Variants in ECT2L observed in about 807,000 individuals in gnomAD.
ECT2L encodes the protein epithelial cell transforming 2 like.
In ECT2L, 126 loss-of-function variants were observed where a neutral mutation model predicts 122.8. The observed-to-expected ratio is 1.03, with a 90% CI of 0.89 to 1.19. ECT2L has a LOEUF of 1.19. Ranked by LOEUF, ECT2L falls within the 50% of genes most tolerant of loss-of-function variation. The pLI, the probability that ECT2L is intolerant of heterozygous loss-of-function variation, is 0.00. For synonymous variants in ECT2L, 385 were observed against 381.8 expected, an observed-to-expected ratio of 1.01 and a Z score of -0.10; for missense variants, 1,012 against 1,064.1, an observed-to-expected ratio of 0.95 and a Z score of 0.68.
chr6:138,850,237 G>C (rs979726808), intron 9 of ECT2L, among the ~76,000 whole-genome samples: 3 of 151,778 alleles, frequency 2.0e-5, no homozygotes, highest in Non-Finnish European at 1.5e-5. Context: ...CTCTGCCTCC[G>C]GGGTTCAAGC....
At chr6:138,873,870 GAC>G (rs1778342677) in intron 13 of ECT2L, among the ~76,000 whole-genome samples, 1 of 140,562 alleles carries the variant, frequency 7.1e-6, no homozygotes, top group African/African-American at 2.6e-5. Flanking sequence ...TCAAATCCAG[GAC>G]TGTGTGTGTG....
chr6:138,892,639 A>G (rs1779068924), intron 20 of ECT2L, among the ~76,000 whole-genome samples: 1 of 152,050 alleles, frequency 6.6e-6, no homozygotes, highest in African/African-American at 2.4e-5. Flanking sequence ...GATTACAGGC[A>G]CGTGCCACCA....
chr6:138,901,896 C>T lies in ECT2L; in HGVS notation c.2588-604C>T, dbSNP rs573820842. On this transcript the variant is annotated intron_variant, in intron 21 of 21. Coordinates refer to ENST00000541398, the MANE Select transcript of ECT2L (RefSeq NM_001077706.3). ...AAATAAAAGGGCTATTTCCCAGTGGCTTTAGCCCCATTCTAAATCTGAGCC... is the reference window on the plus strand; with the variant it reads ...AAATAAAAGGGCTATTTCCCAGTGGTTTTAGCCCCATTCTAAATCTGAGCC... Among the ~76,000 whole-genome samples the T allele has an allele frequency of 9.2e-5, 14 of 152,352 alleles. No individual in the cohort carries two copies. The East Asian group carries it at 2.7e-3, about 29-fold the overall frequency.
chr6:138,864,002 T>TAAAAAAAAAAAAAAAAAAAAAAAAAAA lies in ECT2L; in HGVS notation c.1292-993_1292-967dup, dbSNP rs1172466449. Among the ~76,000 whole-genome samples the TAAAAAAAAAAAAAAAAAAAAAAAAAAA allele has an allele frequency of 3.6e-5, 2 of 55,846 alleles. 1 individual carries two copies. The highest frequency in any genetic ancestry group is 1.6e-4 in the African/African-American group (2 of 12,760). The allele number at this position is 55,846 out of a possible 152,430, so 36.6% of individuals were successfully genotyped here. On this transcript the variant is annotated intron_variant, in intron 11 of 21. Coordinates refer to ENST00000541398, the MANE Select transcript of ECT2L (RefSeq NM_001077706.3). ...CTCTCTTGTTCTCATTCTCCGTATT[T>TAAAAAAAAAAAAAAAAAAAAAAAAAAA]AAAAAAAAAAAAAAAAAAAAAAAAA...
rs570701144 is a variant in ECT2L, at chr6:138,840,682, T to C, written c.342+2168T>C. On this transcript the variant is annotated intron_variant, in intron 5 of 21. Transcript: ENST00000541398. ...TCCTTTAAAGGTAACATTTCTATCA[T>C]CTCTAGCTGCTTTTTGGACTTTTTT... Among the ~76,000 whole-genome samples, 13 of 152,240 alleles carry C rather than the reference T, an allele frequency of 8.5e-5. No individual in the cohort carries two copies. The South Asian group carries it at 2.7e-3, about 32-fold the overall frequency.
chr6:138,846,798 C>A, intron 8 of ECT2L, 121 bp downstream of exon 8: 2 of 1,177,914 alleles, frequency 1.7e-6, no homozygotes, highest in East Asian at 2.7e-5. Flanking sequence ...AATGATTCAA[C>A]TTCTAAAAGG....
At chr6:138,885,445 T>G in intron 16 of ECT2L, 61 bp from the exon 17 acceptor site, 7 of 1,537,438 alleles carry the variant, frequency 4.6e-6, no homozygotes, top group Non-Finnish European at 6.3e-6. Context: ...GCTTGCTCAG[T>G]GGAACAGTGG....
At chr6:138,806,963 G>A (rs1375122426) in intron 1 of ECT2L, among the ~76,000 whole-genome samples, 1 of 148,140 alleles carries the variant, frequency 6.8e-6, no homozygotes, top group Non-Finnish European at 1.5e-5. Flanking sequence ...AGAAAAAAAT[G>A]TTATTAAGAA....
At chr6:138,802,545 A>G (rs561913737) in intron 1 of ECT2L, among the ~76,000 whole-genome samples, 1 of 152,370 alleles carries the variant, frequency 6.6e-6, no homozygotes, top group African/African-American at 2.4e-5. Context: ...CATTAAGCAT[A>G]TTAAAACATC....
intron 9 of ECT2L, among the ~76,000 whole-genome samples, chr6:138,851,133 A>T (rs562549550): frequency 6.6e-6 from 1 of 151,872 alleles, no homozygotes; most frequent in African/African-American, 2.4e-5. Flanking sequence ...ATCTCTACAC[A>T]TCCCACATCC....
chr6:138,829,284 TG>T (rs1776569776), intron 4 of ECT2L, among the ~76,000 whole-genome samples: 1 of 152,224 alleles, frequency 6.6e-6, no homozygotes, highest in Admixed American at 6.5e-5. Flanking sequence ...GGGAAATATT[TG>T]GTATTAGGTA....
At chr6:138,816,573 C>A (rs752784748) in intron 4 of ECT2L, among the ~76,000 whole-genome samples, 1 of 152,026 alleles carries the variant, frequency 6.6e-6, no homozygotes, top group Non-Finnish European at 1.5e-5. Context: ...CAAGCTCTGC[C>A]CCCGGGGTTC....
intron 18 of ECT2L, among the ~76,000 whole-genome samples, chr6:138,886,100 TG>T (rs1371031729): frequency 2.0e-5 from 3 of 150,640 alleles, no homozygotes; most frequent in Non-Finnish European, 4.4e-5. Context: ...GTATTTGGAC[TG>T]ATTTTTTACA....
intron 4 of ECT2L, among the ~76,000 whole-genome samples, chr6:138,817,774 G>A (rs952148347): frequency 6.6e-6 from 1 of 152,066 alleles, no homozygotes; most frequent in Non-Finnish European, 1.5e-5. Context: ...CATCCCTCTG[G>A]CAAACTAAAA....
chr6:138,805,471 A>C (rs953611329), intron 1 of ECT2L, among the ~76,000 whole-genome samples: 3 of 152,188 alleles, frequency 2.0e-5, no homozygotes, highest in African/African-American at 7.2e-5. Context: ...AAACCATTCC[A>C]AAGTTTAGTA....
intron 13 of ECT2L, among the ~76,000 whole-genome samples, chr6:138,874,903 T>C (rs766024623): frequency 2.0e-5 from 3 of 151,882 alleles, no homozygotes; most frequent in African/African-American, 2.4e-5. Flanking sequence ...CTGGGCAACA[T>C]AGTGAGACCT....
At chr6:138,816,620 G>A (rs749552562) in intron 4 of ECT2L, among the ~76,000 whole-genome samples, 3 of 152,004 alleles carry the variant, frequency 2.0e-5, no homozygotes, top group Admixed American at 6.6e-5. Context: ...GAGTAGCTGG[G>A]ACTACAGGCG....
chr6:138,829,021 AAT>A (rs150104237), intron 4 of ECT2L, among the ~76,000 whole-genome samples: 17,208 of 139,808 alleles, frequency 0.12, 1,215 homozygotes, highest in East Asian at 0.28. Flanking sequence ...CTAAGTTTAA[AAT>A]TTTTTTTTTT....
chr6:138,873,894 G>GTGTGTGTGTGTA (rs1554276999), intron 13 of ECT2L, among the ~76,000 whole-genome samples: 41,561 of 145,620 alleles, frequency 0.29, 6,641 homozygotes, highest in Admixed American at 0.36. Flanking sequence ...GTGTGTGTGT[G>GTGTGTGTGTGTA]TGTGTGTGTG....
Sources: gnomAD v4.1 joint callset for allele counts (sites outside exome capture counted in the v4.1 genomes callset) on GRCh38, gnomAD v4.1.1 for gene constraint, MANE v1.5 for transcripts, NCBI Gene and HGNC (gene_info 2026-07-23, HGNC 2026-07-21) for gene names.